NBAS: variants seen among roughly 807,000 people sequenced by gnomAD.
NBAS encodes the protein NAG/BC035112 fusion.
NBAS carries 219 observed loss-of-function variants against 302.5 expected under a neutral mutation model. The ratio of observed to expected loss-of-function variants is 0.72; its 90% CI spans 0.65 to 0.81. The LOEUF is 0.81. Ranked by LOEUF, NBAS falls within the 30% of genes least tolerant of loss-of-function variation. NBAS has a pLI of 0.00. For synonymous variants in NBAS, 1,118 were observed against 1,021.6 expected (o/e 1.09, Z -1.80); for missense variants, 2,932 against 2,841.6 (o/e 1.03, Z -0.72).
chr2:15,270,968 G>C (rs1669291194), intron 44 of NBAS, among the ~76,000 whole-genome samples: 1 of 152,118 alleles, frequency 6.6e-6, no homozygotes, highest in African/African-American at 2.4e-5. Flanking sequence ...TGGTGAAAGA[G>C]GTACTGCCAT....
At chr2:15,501,932 GGAGC>G (rs1169461525) in intron 11 of NBAS, among the ~76,000 whole-genome samples, 1 of 151,922 alleles carries the variant, frequency 6.6e-6, no homozygotes, top group African/African-American at 2.4e-5. Flanking sequence ...CAGGCTAAGA[GGAGC>G]ACATTTTAAG....
chr2:15,010,174 C>CCTTCCCAT, the NBAS span, among the ~76,000 whole-genome samples: 5 of 152,182 alleles, frequency 3.3e-5, no homozygotes, highest in Admixed American at 3.3e-4. Flanking sequence ...CATACAGGAA[C>CCTTCCCAT]ACCAAGAAAA....
At chr2:15,037,424 G>A in the NBAS span, among the ~76,000 whole-genome samples, 2 of 10,650 alleles carry the variant, frequency 1.9e-4, no homozygotes, top group Non-Finnish European at 1.4e-3. Context: ...GGCCCCACCC[G>A]CAAGGCGGGG....
chr2:15,157,209 G>A, the NBAS span, among the ~76,000 whole-genome samples: 1 of 152,134 alleles, frequency 6.6e-6, no homozygotes. Context: ...TCACCTCCGT[G>A]TTCCCCACAG....
At chr2:15,386,957 T>C (rs1338751869) in intron 28 of NBAS, among the ~76,000 whole-genome samples, 1 of 152,208 alleles carries the variant, frequency 6.6e-6, no homozygotes, top group East Asian at 1.9e-4. Context: ...AGGTACGACA[T>C]CTTTTTCTTT....
chr2:15,333,025 C>A (rs1332643130), intron 35 of NBAS, among the ~76,000 whole-genome samples: 1 of 152,100 alleles, frequency 6.6e-6, no homozygotes, highest in African/African-American at 2.4e-5. Context: ...GGAAGGAAAG[C>A]AGAGATATAG....
the NBAS span, among the ~76,000 whole-genome samples, chr2:14,859,636 A>AAAAGAATGAAACT: frequency 6.6e-6 from 1 of 152,168 alleles, no homozygotes; most frequent in African/African-American, 2.4e-5. Flanking sequence ...ATTCATATGC[A>AAAAGAATGAAACT]AAAGAATGAA....
At chr2:15,525,255 G>A (rs1034073323) in intron 9 of NBAS, among the ~76,000 whole-genome samples, 4 of 152,108 alleles carry the variant, frequency 2.6e-5, no homozygotes, top group South Asian at 2.1e-4. Context: ...TTCCCACAAC[G>A]CCTGCTGTTA....
chr2:15,335,174 TAAA>T (rs34790746), intron 35 of NBAS, among the ~76,000 whole-genome samples: 12 of 117,244 alleles, frequency 1.0e-4, no homozygotes, highest in Admixed American at 1.8e-4. Context: ...TCATCTCTCT[TAAA>T]AAAAAAAAAA....
intron 6 of NBAS, among the ~76,000 whole-genome samples, chr2:15,541,097 T>G (rs1412792445): frequency 6.6e-6 from 1 of 152,196 alleles, no homozygotes; most frequent in Non-Finnish European, 1.5e-5. Context: ...CTTCCAGGTC[T>G]AGTTTGTTAC....
the NBAS span, among the ~76,000 whole-genome samples, chr2:15,038,112 CTTT>C: frequency 3.2e-4 from 38 of 118,510 alleles, no homozygotes; most frequent in Middle Eastern, 4.5e-3. Context: ...TGACTTTATT[CTTT>C]TTTTTTTTTT....
At chr2:15,144,860 C>T in the NBAS span, among the ~76,000 whole-genome samples, 1 of 152,134 alleles carries the variant, frequency 6.6e-6, no homozygotes, top group African/African-American at 2.4e-5. Flanking sequence ...GCAACTTTCT[C>T]ACAGTTAAAG....
chr2:15,559,894 T>C (rs573397179), intron 1 of NBAS, among the ~76,000 whole-genome samples: 14 of 152,344 alleles, frequency 9.2e-5, no homozygotes, highest in African/African-American at 3.1e-4. Context: ...CAGCAACAGC[T>C]TCCTAGCTGC....
At chr2:15,543,178 C>A (rs960058100) in intron 6 of NBAS, among the ~76,000 whole-genome samples, 2 of 152,314 alleles carry the variant, frequency 1.3e-5, no homozygotes, top group Admixed American at 6.5e-5. Flanking sequence ...TCTATACCCC[C>A]CGACTCATAT....
the NBAS span, among the ~76,000 whole-genome samples, chr2:15,048,031 TGGA>T: frequency 4.6e-4 from 17 of 37,136 alleles, no homozygotes; most frequent in African/African-American, 2.1e-3. Flanking sequence ...AAATGGCTAG[TGGA>T]GAACTCCTGC....
At chr2:15,535,998 C>A (rs1663490100) in intron 8 of NBAS, among the ~76,000 whole-genome samples, 1 of 152,182 alleles carries the variant, frequency 6.6e-6, no homozygotes, top group African/African-American at 2.4e-5. Context: ...GAGGTTTGAA[C>A]TGCACAGATG....
intron 49 of NBAS, among the ~76,000 whole-genome samples, 174 bp from the exon 50 acceptor site, chr2:15,187,054 T>C (rs1043728466): frequency 1.3e-5 from 2 of 152,110 alleles, no homozygotes; most frequent in Admixed American, 6.5e-5. Flanking sequence ...AAAAGCAGCT[T>C]CCTGTGGTAT....
chr2:15,025,228 T>C, the NBAS span, among the ~76,000 whole-genome samples: 7,846 of 152,290 alleles, frequency 0.052, 576 homozygotes, highest in African/African-American at 0.15. Context: ...AGGAATCCTT[T>C]CCCCATTGCT....
At chr2:15,308,442 T>C (rs1195247330) in intron 39 of NBAS, 89 bp from the exon 40 acceptor site, 2 of 1,515,994 alleles carry the variant, frequency 1.3e-6, no homozygotes, top group Non-Finnish European at 9.0e-7. Context: ...TTCCTGCAGA[T>C]TTTTTGTACA....
Sources: gnomAD v4.1 joint callset for allele counts (sites outside exome capture counted in the v4.1 genomes callset) on GRCh38, gnomAD v4.1.1 for gene constraint, MANE v1.5 for transcripts, NCBI Gene and HGNC (gene_info 2026-07-23, HGNC 2026-07-21) for gene names.